SNRPN: variants seen among roughly 807,000 people sequenced by gnomAD.
SNRPN encodes the protein small nuclear ribonucleoprotein-associated protein N.
A neutral mutation model predicts 25.2 loss-of-function variants in SNRPN; 7 were observed. The observed-to-expected ratio is 0.28, with a 90% CI of 0.16 to 0.52. The LOEUF (loss-of-function observed/expected upper bound fraction) is 0.52, where lower values mean the gene tolerates loss of function less well. Ranked by LOEUF, SNRPN falls within the 20% of genes least tolerant of loss-of-function variation. The pLI, the probability that SNRPN is intolerant of heterozygous loss-of-function variation, is 0.96. For synonymous variants in SNRPN, 124 were observed against 110.6 expected (o/e 1.12, Z -0.76); for missense variants, 196 against 322.5 (o/e 0.61, Z 3.00).
At chr15:24,970,560 C>CA (rs1463353458) in intron 3 of SNRPN, among the ~76,000 whole-genome samples, 1 of 152,164 alleles carries the variant, frequency 6.6e-6, no homozygotes, top group African/African-American at 2.4e-5. Context: ...GCCTGCGTGA[C>CA]AGAGCAAGAC....
chr15:24,915,015 G>T (rs752441274), intron 2 of SNRPN, among the ~76,000 whole-genome samples: 1 of 152,102 alleles, frequency 6.6e-6, no homozygotes, highest in Non-Finnish European at 1.5e-5. Flanking sequence ...CAAGATTCTT[G>T]TTAAAGATGG....
chr15:24,973,742 G>A lies in SNRPN; in HGVS notation c.-143-569G>A, dbSNP rs539880786. 3.9e-5 allele frequency among the ~76,000 whole-genome samples: 6 copies of A among 152,230 alleles called. No individual in the cohort carries two copies. In the South Asian group the frequency reaches 1.2e-3, roughly 32 times the overall value. Reference sequence around the variant, plus strand: ...CTTTGTCCTTCATTACTTGATCTATGAAAGTTGTTTATGTGAGTCTATATA... The same window carrying A: ...CTTTGTCCTTCATTACTTGATCTATAAAAGTTGTTTATGTGAGTCTATATA... On this transcript the variant is annotated intron_variant, in intron 3 of 9. Transcript: ENST00000390687.
intron 1 of SNRPN, among the ~76,000 whole-genome samples, chr15:24,857,406 T>G (rs1213082675): frequency 6.6e-6 from 1 of 152,190 alleles, no homozygotes; most frequent in African/African-American, 2.4e-5. Context: ...GAATGATTAA[T>G]ATTTTGGGTT....
chr15:24,838,284 C>G (rs951753946), intron 2 of SNRPN, among the ~76,000 whole-genome samples: 2 of 152,198 alleles, frequency 1.3e-5, no homozygotes. Context: ...ATCCACCCGC[C>G]TCGGCCTCCC....
At chr15:24,912,459 A>G (rs2059274111) in intron 2 of SNRPN, 1 of 152,152 alleles carries the variant, frequency 6.6e-6, no homozygotes, top group African/African-American at 2.4e-5. Context: ...TTCGACTTAC[A>G]CTTGAAAGTT....
intron 1 of SNRPN, among the ~76,000 whole-genome samples, chr15:24,827,372 G>A (rs2050175457): frequency 6.6e-6 from 1 of 151,616 alleles, no homozygotes; most frequent in Non-Finnish European, 1.5e-5. Context: ...AAAGTTAGTC[G>A]GGTGCGGTGG....
chr15:24,824,340 A>G (rs1323753994), intron 1 of SNRPN, among the ~76,000 whole-genome samples: 3 of 152,136 alleles, frequency 2.0e-5, no homozygotes, highest in East Asian at 3.9e-4. Context: ...TACCGTGCAA[A>G]TGAGTGTCGT....
intron 2 of SNRPN, among the ~76,000 whole-genome samples, chr15:24,918,030 T>C (rs1489762025): frequency 1.3e-5 from 2 of 152,098 alleles, no homozygotes; most frequent in African/African-American, 4.8e-5. Flanking sequence ...TTTAAAATAT[T>C]GTGTTGTCTT....
At chr15:24,947,592 C>T (rs2061962425) in intron 3 of SNRPN, among the ~76,000 whole-genome samples, 1 of 152,160 alleles carries the variant, frequency 6.6e-6, no homozygotes, top group Non-Finnish European at 1.5e-5. Flanking sequence ...CGTGCTATTG[C>T]ACTCCAGCCT....
chr15:24,840,745 G>A (rs1028492720), intron 2 of SNRPN, among the ~76,000 whole-genome samples: 15 of 152,206 alleles, frequency 9.9e-5, no homozygotes, highest in Non-Finnish European at 1.9e-4. Context: ...CTGTATCTGG[G>A]ATACTGTTTT....
At chr15:24,862,648 G>A (rs752602798) in intron 1 of SNRPN, among the ~76,000 whole-genome samples, 1 of 151,062 alleles carries the variant, frequency 6.6e-6, no homozygotes, top group Non-Finnish European at 1.5e-5. Flanking sequence ...TGTTTAAGAC[G>A]AGTGAGGATT....
chr15:24,881,921 G>C (rs1020684380), intron 1 of SNRPN, among the ~76,000 whole-genome samples: 1 of 152,080 alleles, frequency 6.6e-6, no homozygotes, highest in Non-Finnish European at 1.5e-5. Flanking sequence ...GCAAAAGAGC[G>C]CTAGAGGCGG....
At chr15:24,902,592 G>C (rs1182983227) in intron 2 of SNRPN, among the ~76,000 whole-genome samples, 1 of 152,116 alleles carries the variant, frequency 6.6e-6, no homozygotes, top group Non-Finnish European at 1.5e-5. Context: ...GGTGTGTCCA[G>C]AGTTTGTTCC....
At chr15:24,909,103 A>G in intron 2 of SNRPN, 14 of 1,367,358 alleles carry the variant, frequency 1.0e-5, no homozygotes, top group Non-Finnish European at 1.5e-5. Context: ...GAGCTTCCTT[A>G]TACATTTCCT....
rs370183147 is a variant in SNRPN at position 24,966,188 on chromosome 15, C to T, written c.-294-1744C>T. Among the ~76,000 whole-genome samples the T allele has an allele frequency of 2.3e-4, 35 of 152,224 alleles. 1 individual carries two copies. The highest frequency in any genetic ancestry group is 8.2e-4 in the African/African-American group (34 of 41,542). On this transcript the variant is annotated intron_variant, in intron 2 of 9. Coordinates refer to ENST00000390687, the MANE Select transcript of SNRPN (RefSeq NM_003097.6). ...GGCACCCACACTTCCGACCAACAGT[C>T]TATAGATTCTGAGGTCCTACTATTT...
rs1204059893 is a variant in SNRPN, at chr15:24,929,964, G to A, written c.-391+9840G>A. On this transcript the variant is annotated intron_variant, in intron 3 of 11. Coordinates refer to the SNRPN transcript ENST00000400097. This position sits in a 1 kb window ranked among gnomAD's most constrained non-coding sequence, Gnocchi z 5.3. Reference sequence around the variant, plus strand: ...GCACTTTGGGAGGCCAAGGCGGGTGGATCACGAGGTCAGGAGATCAAGACC... The same window carrying A: ...GCACTTTGGGAGGCCAAGGCGGGTGAATCACGAGGTCAGGAGATCAAGACC... Among the ~76,000 whole-genome samples, 1 of 151,926 alleles carries A rather than the reference G, an allele frequency of 6.6e-6. No individual in the cohort carries two copies. The highest frequency in any genetic ancestry group is 2.4e-5 in the African/African-American group (1 of 41,354).
intron 2 of SNRPN, chr15:24,910,952 G>C (rs1483872252): frequency 3.5e-6 from 3 of 854,500 alleles, no homozygotes; most frequent in Non-Finnish European, 5.8e-6. Context: ...AAGTGCAGCA[G>C]CCAACACCCA....
At chr15:24,842,592 A>C (rs2051803042) in intron 2 of SNRPN, among the ~76,000 whole-genome samples, 2 of 152,156 alleles carry the variant, frequency 1.3e-5, no homozygotes, top group South Asian at 4.1e-4. Context: ...CATTGAGCAA[A>C]GCTTTAAGGA....
chr15:24,848,829 A>G (rs879269039), intron 2 of SNRPN: 2 of 152,158 alleles, frequency 1.3e-5, no homozygotes, highest in East Asian at 1.9e-4. Context: ...TATTTTCATT[A>G]TAAAATACCG....
Sources: allele counts gnomAD v4.1 joint callset (sites outside exome capture counted in the v4.1 genomes callset), GRCh38; gene constraint gnomAD v4.1.1; non-coding constraint Gnocchi (gnomAD v3.1); transcripts MANE v1.5; gene names NCBI Gene and HGNC (gene_info 2026-07-23, HGNC 2026-07-21).